CDH23: variants seen among roughly 807,000 people sequenced by gnomAD.
The protein encoded by CDH23 is cadherin related 23.
Under a neutral mutation model 317.1 loss-of-function variants are expected in CDH23, and 189 were observed. The observed-to-expected ratio is 0.60, with a 90% CI of 0.53 to 0.67. The LOEUF (loss-of-function observed/expected upper bound fraction) is 0.67. Ranked by LOEUF, CDH23 falls within the 30% of genes least tolerant of loss-of-function variation. The probability of loss-of-function intolerance (pLI) is 0.00; values close to 1 mark genes in which losing one functional copy is unlikely to be tolerated. For missense variants in CDH23, 4,401 were observed against 4,592.4 expected, an observed-to-expected ratio of 0.96 and a Z score of 1.20; for synonymous variants, 1,839 against 1,876.8, an observed-to-expected ratio of 0.98 and a Z score of 0.52.
chr10:71,507,474 T>C (rs1431150256), intron 3 of CDH23, among the ~76,000 whole-genome samples: 3 of 152,166 alleles, frequency 2.0e-5, no homozygotes, highest in Admixed American at 6.5e-5. Flanking sequence ...GGCAGATCAC[T>C]TGGGGTCAGG....
At position 71,793,488 on chromosome 10, in the gene CDH23, C is replaced by T. The variant is rs2132954297; in HGVS notation, c.6560C>T (p.Ala2187Val). The change falls in exon 48 of 70, where the codon GCT becomes GTT. Residue 2187 changes from alanine (A) to valine (V), a missense_variant. Coordinates refer to ENST00000224721, the MANE Select transcript of CDH23 (RefSeq NM_022124.6). ...CAGACAGTGAGCGTGCTGGAGTCGG[C>T]TGAGCCAGGCACTGTCATTGCCAAT... ...PIQTVSVLES[A>V]EPGTVIANIT... 1 of 1,614,002 alleles carries T rather than the reference C, an allele frequency of 6.2e-7. No individual in the cohort carries two copies. Among genetic ancestry groups the T allele is most frequent in the Non-Finnish European group, 8.5e-7 (1 of 1,179,896 alleles).
intron 14 of CDH23, among the ~76,000 whole-genome samples, chr10:71,662,265 G>A (rs1055508108): frequency 2.0e-5 from 3 of 152,050 alleles, no homozygotes; most frequent in Admixed American, 2.0e-4. Flanking sequence ...TTAGTGAGCC[G>A]CATGTGCCAA....
Position 71,602,147 on chromosome 10 carries a change from C to A in CDH23, c.833-13357C>A, listed in dbSNP as rs16929120. ...AGCACAATTTGATTCATAAATTACC[C>A]GGCTCAAGGTGTGTGTGATGGGTTC... is the stretch of plus-strand genomic sequence containing the variant. On this transcript the variant is annotated intron_variant, in intron 9 of 69. Transcript: ENST00000224721. Among the ~76,000 whole-genome samples the A allele has an allele frequency of 0.028, 4,208 of 149,796 alleles. 296 individuals are homozygous for A. The East Asian group carries it at 0.3, about 11-fold the overall frequency.
At chr10:71,547,903 G>A (rs1411463850) in intron 6 of CDH23, among the ~76,000 whole-genome samples, 1 of 152,236 alleles carries the variant, frequency 6.6e-6, no homozygotes, top group Non-Finnish European at 1.5e-5. Flanking sequence ...CTCAACTGCT[G>A]TGGCCAGGGC....
Position 71,813,280 on chromosome 10 carries a change from C to T in CDH23, c.9670C>T (p.Arg3224Trp), listed in dbSNP as rs111033457. The change falls in exon 69 of 70, where the codon CGG becomes TGG. Residue 3224 changes from arginine to tryptophan, a missense_variant. Transcript: ENST00000224721. ...GAAGGTGGTCCTGGAGGATTACCTG[C>T]GGCTCAAAAAGCTCTTTGCACAGCG... ...LLKVVLEDYL[R>W]LKKLFAQRMV... 1.1e-3 allele frequency: 1,659 copies of T among 1,551,642 alleles called. 5 individuals are homozygous for T. Among genetic ancestry groups the T allele is most frequent in the Non-Finnish European group, 1.3e-3 (1,442 of 1,146,980 alleles).
chr10:71,672,193 G>A (rs1864176388), intron 14 of CDH23, among the ~76,000 whole-genome samples: 2 of 152,124 alleles, frequency 1.3e-5, no homozygotes, highest in Non-Finnish European at 1.5e-5. Flanking sequence ...AGAGGGAGGG[G>A]CGCTGTTCAA....
chr10:71,713,227 G>A (rs756805967), intron 28 of CDH23: 11 of 779,108 alleles, frequency 1.4e-5, no homozygotes, highest in South Asian at 1.3e-4. Flanking sequence ...CCCCTCTTGG[G>A]AAGTAAACAG....
chr10:71,552,984 C>CA (rs1379586756), intron 6 of CDH23, among the ~76,000 whole-genome samples: 1 of 152,190 alleles, frequency 6.6e-6, no homozygotes, highest in Non-Finnish European at 1.5e-5. Flanking sequence ...CCAGTCCCCC[C>CA]ACTCCCAGCT....
Position 71,679,095 on chromosome 10 carries a change from C to T in CDH23, c.1753-292C>T, listed in dbSNP as rs74145284. On this transcript the variant is annotated intron_variant, in intron 16 of 69. Transcript: ENST00000224721. Reference sequence around the variant, plus strand: ...TTGTGTCTCAGCCTCTGGGAAGGCCCGGCCTCTGCATTATTCCTGCGCCTC... The same window carrying T: ...TTGTGTCTCAGCCTCTGGGAAGGCCTGGCCTCTGCATTATTCCTGCGCCTC... 0.044 allele frequency among the ~76,000 whole-genome samples: 6,739 copies of T among 152,134 alleles called. 248 individuals are homozygous for T. The highest frequency in any genetic ancestry group is 0.098 in the African/African-American group (4,056 of 41,480).
rs56107171 is a variant in CDH23, at chr10:71,732,072, C to T, written c.3801C>T (p.Thr1267=). The T allele has an allele frequency of 2.2e-3, 3,538 of 1,613,984 alleles. 5 individuals carry two copies. The highest frequency in any genetic ancestry group is 2.7e-3 in the Non-Finnish European group (3,243 of 1,179,880). ...EIDESTGLII[T]VNYLDYETKT... is the part of the protein sequence containing the mutation. ...ACGAGAGCACAGGGCTTATCATCACCGTGAATTACCTGGACTACGAGACCA... is the reference window on the plus strand; with the variant it reads ...ACGAGAGCACAGGGCTTATCATCACTGTGAATTACCTGGACTACGAGACCA... Residue 1267 remains threonine, a synonymous_variant, in exon 32 of 70, where the codon ACC becomes ACT. Coordinates refer to ENST00000224721, the MANE Select transcript of CDH23 (RefSeq NM_022124.6).
intron 38 of CDH23, chr10:71,755,238 A>C (rs1356211413): frequency 1.1e-6 from 1 of 940,304 alleles, no homozygotes; most frequent in Non-Finnish European, 1.6e-6. Context: ...AGCTGCTCCC[A>C]ACTCTCAAAT....
intron 7 of CDH23, among the ~76,000 whole-genome samples, chr10:71,567,293 A>T (rs1018602731): frequency 6.6e-6 from 1 of 152,172 alleles, no homozygotes; most frequent in Non-Finnish European, 1.5e-5. Flanking sequence ...CTTCCTTGAG[A>T]CATTCTTAGT....
At chr10:71,629,015 A>G (rs980125320) in intron 11 of CDH23, among the ~76,000 whole-genome samples, 1 of 152,236 alleles carries the variant, frequency 6.6e-6, no homozygotes, top group African/African-American at 2.4e-5. Flanking sequence ...AGCGAAGCAC[A>G]CAGGTAGCAG....
chr10:71,489,975 C>G (rs967878046), intron 3 of CDH23, among the ~76,000 whole-genome samples: 3 of 151,540 alleles, frequency 2.0e-5, no homozygotes, highest in Non-Finnish European at 2.9e-5. Context: ...GAATTTATTT[C>G]TAGTCACTCT....
At chr10:71,541,746 A>T (rs1856000080) in intron 6 of CDH23, among the ~76,000 whole-genome samples, 2 of 152,212 alleles carry the variant, frequency 1.3e-5, no homozygotes, top group Non-Finnish European at 2.9e-5. Context: ...TGCAGGCCAT[A>T]TGGACTCTGT....
intron 11 of CDH23, among the ~76,000 whole-genome samples, chr10:71,640,016 C>A (rs1467471106): frequency 6.6e-6 from 1 of 152,170 alleles, no homozygotes; most frequent in Non-Finnish European, 1.5e-5. Flanking sequence ...GTCTGGCCTG[C>A]GTGAGCTTTT....
At chr10:71,441,128 C>A (rs1244896699) in intron 2 of CDH23, among the ~76,000 whole-genome samples, 1 of 152,126 alleles carries the variant, frequency 6.6e-6, no homozygotes, top group Non-Finnish European at 1.5e-5. Context: ...TTTTAACTCC[C>A]AGCTCATTTT....
intron 17 of CDH23, among the ~76,000 whole-genome samples, chr10:71,681,246 CT>C (rs1182811394): frequency 6.6e-6 from 1 of 152,148 alleles, no homozygotes; most frequent in African/African-American, 2.4e-5. Flanking sequence ...TCTTGTTTCC[CT>C]TTTCCAAATA....
chr10:71,483,945 T>C (rs1852206888), intron 3 of CDH23, among the ~76,000 whole-genome samples: 1 of 152,150 alleles, frequency 6.6e-6, no homozygotes, highest in Non-Finnish European at 1.5e-5. Flanking sequence ...CATTTTTACA[T>C]CCTTGCTGCG....
Sources: allele counts gnomAD v4.1 joint callset (sites outside exome capture counted in the v4.1 genomes callset), GRCh38; gene constraint gnomAD v4.1.1; transcripts MANE v1.5; gene names NCBI Gene and HGNC (gene_info 2026-07-23, HGNC 2026-07-21).